NDST1: variants seen among roughly 807,000 people sequenced by gnomAD.
NDST1 encodes bifunctional heparan sulfate N-deacetylase/N-sulfotransferase 1.
A neutral mutation model predicts 92.8 loss-of-function variants in NDST1; 35 were observed. The ratio of observed to expected loss-of-function variants is 0.38; its 90% CI spans 0.29 to 0.50. The LOEUF (loss-of-function observed/expected upper bound fraction) is 0.50. Ranked by LOEUF, NDST1 falls within the 20% of genes least tolerant of loss-of-function variation. The probability of loss-of-function intolerance (pLI) is 0.94; values close to 1 mark genes in which losing one functional copy is unlikely to be tolerated. For missense variants in NDST1, 822 were observed against 1,182.7 expected, an observed-to-expected ratio of 0.69 and a Z score of 4.47; for synonymous variants, 493 against 500.3, an observed-to-expected ratio of 0.99 and a Z score of 0.19.
At chr5:150,505,635 T>A (rs945415479), upstream of NDST1, among the ~76,000 whole-genome samples, 17 of 152,158 alleles carry the variant, frequency 1.1e-4, no homozygotes, top group Admixed American at 1.1e-3. Flanking sequence ...AGGTTATCGA[T>A]GGCAGGAAGC....
Position 150,548,277 on chromosome 5 carries a change from C to T in NDST1, c.2205C>T (p.Thr735=), listed in dbSNP as rs759703382. The change falls in exon 12 of 15, where the codon ACC becomes ACT. Residue 735 remains threonine (T), a synonymous_variant. Coordinates refer to ENST00000261797, the MANE Select transcript of NDST1 (RefSeq NM_001543.5). Reference sequence around the variant, plus strand: ...AGTACACCTTCCATGAGGTGATTACCGCCGGCTCTGACGCATCCTCGAAGC... The same window carrying T: ...AGTACACCTTCCATGAGGTGATTACTGCCGGCTCTGACGCATCCTCGAAGC... ...ALKYTFHEVI[T]AGSDASSKLR... is the part of the protein sequence containing the mutation. 8.7e-6 allele frequency: 14 copies of T among 1,614,066 alleles called. No homozygotes were observed. The highest frequency in any genetic ancestry group is 4.4e-5 in the South Asian group (4 of 91,090).
At chr5:150,499,244 T>C (rs1406140367) in intron 1 of NDST1, among the ~76,000 whole-genome samples, 1 of 152,212 alleles carries the variant, frequency 6.6e-6, no homozygotes, top group Admixed American at 6.5e-5. Flanking sequence ...ACATAAAAAC[T>C]CAGACTTCTG....
At chr5:150,522,604 GTTTGTGGTC>G (rs1754290385) in intron 2 of NDST1, among the ~76,000 whole-genome samples, 1 of 152,194 alleles carries the variant, frequency 6.6e-6, no homozygotes, top group Non-Finnish European at 1.5e-5. Context: ...CACTCACAGT[GTTTGTGGTC>G]CTGTGCTAGC....
At chr5:150,520,825 G>T in intron 1 of NDST1, 43 bp from the exon 2 acceptor site, 1 of 409,364 alleles carries the variant, frequency 2.4e-6, no homozygotes, top group South Asian at 1.2e-4. Flanking sequence ...GCTGAACCCT[G>T]AAGCCCGCAC....
rs190718492 is a variant in NDST1, at chr5:150,545,237, C to T, written c.1971-75C>T. 253 of 1,545,952 alleles carry T rather than the reference C, an allele frequency of 1.6e-4. No homozygotes were observed. The East Asian group carries it at 3.6e-3, about 22-fold the overall frequency. On this transcript the variant is annotated intron_variant, in intron 10 of 14. Transcript: ENST00000261797. ...CTGAGGACATTCTACCCCAGTGCCT[C>T]GCCCTTGTGCTGCATTCCCTTAGCC...
chr5:150,549,364 A>G (rs1755625897), intron 12 of NDST1, among the ~76,000 whole-genome samples: 1 of 152,144 alleles, frequency 6.6e-6, no homozygotes, highest in Non-Finnish European at 1.5e-5. Context: ...TTTGAGCAGG[A>G]GAGTGACATG....
At chr5:150,530,557 A>AT (rs71589713) in intron 3 of NDST1, among the ~76,000 whole-genome samples, 7,276 of 126,614 alleles carry the variant, frequency 0.057, 260 homozygotes, top group African/African-American at 0.099. Context: ...CGTATTTTAA[A>AT]TTTTTTTTTT....
rs751113405 is a variant in NDST1, at chr5:150,555,328, C to T, written c.*1996C>T. 6.5e-6 allele frequency: 1 copy of T among 152,810 alleles called. No individual in the cohort carries two copies. Among genetic ancestry groups the T allele is most frequent in the East Asian group, 1.9e-4 (1 of 5,200 alleles). 9.5% of individuals were successfully genotyped at this position (152,810 alleles called of 1,614,324 possible). On this transcript the variant is annotated 3_prime_UTR_variant, in exon 15 of 15. Transcript: ENST00000261797. The stretch of plus-strand genomic sequence containing the variant: ...CCTGTCGTGTTCTCCCTCGAGGGGT[C>T]CTTCCCCAGCCTGTGGGGGCCTGGG...
intron 12 of NDST1, among the ~76,000 whole-genome samples, chr5:150,548,881 C>T (rs1455581519): frequency 6.6e-6 from 1 of 152,154 alleles, no homozygotes; most frequent in Non-Finnish European, 1.5e-5. Flanking sequence ...GAGAACTCCC[C>T]AAGCCTGTGT....
chr5:150,550,221 T>C (rs1254893812), intron 13 of NDST1, among the ~76,000 whole-genome samples: 1 of 151,790 alleles, frequency 6.6e-6, no homozygotes, highest in East Asian at 1.9e-4. Flanking sequence ...CCACCTCAGC[T>C]TCCCGAGTAG....
intron 10 of NDST1, among the ~76,000 whole-genome samples, chr5:150,543,560 CTTTT>C (rs1755342602): frequency 6.6e-6 from 1 of 152,122 alleles, no homozygotes; most frequent in African/African-American, 2.4e-5. Flanking sequence ...CTCTATTTGC[CTTTT>C]TTCTTTCTTT....
In NDST1 at chr5:150,541,299, C is replaced by A. The variant is rs530626848; in HGVS notation, c.1750-271C>A. Among the ~76,000 whole-genome samples the A allele has an allele frequency of 7.2e-5, 11 of 152,288 alleles. No individual in the cohort carries two copies. The South Asian group carries it at 2.1e-3, about 29-fold the overall frequency. On this transcript the variant is annotated intron_variant, in intron 8 of 14. Transcript: ENST00000261797. ...GCGTTTCTTGACCCCCTGGTTCAGA[C>A]GCAGCTTGTCCAGTTAAATTCAACA...
chr5:150,528,394 C>A (rs1316293066), intron 3 of NDST1, 96 bp downstream of exon 3: 1 of 1,379,942 alleles, frequency 7.2e-7, no homozygotes, highest in Non-Finnish European at 9.8e-7. Flanking sequence ...TCTGCATCTC[C>A]CCTATGCTGG....
chr5:150,545,321 G>A lies in NDST1; in HGVS notation c.1980G>A (p.Glu660=), dbSNP rs1377810322. The change falls in exon 11 of 15, where the codon GAG becomes GAA. Residue 660 remains glutamate, a synonymous_variant. Transcript: ENST00000261797. ...TCTGGGCTTCCTGCAGGTACATGGA[G>A]TTCTTCCCCATCCCTTCCAACACCA... ...NYHKGIDWYM[E]FFPIPSNTTS... is the part of the protein sequence containing the mutation. 1 of 1,614,104 alleles carries A rather than the reference G, an allele frequency of 6.2e-7. No individual in the cohort carries two copies. Among genetic ancestry groups the A allele is most frequent in the African/African-American group, 1.3e-5 (1 of 74,938 alleles).
chr5:150,511,248 G>T (rs1262148158), intron 1 of NDST1, among the ~76,000 whole-genome samples: 1 of 152,198 alleles, frequency 6.6e-6, no homozygotes, highest in Non-Finnish European at 1.5e-5. Flanking sequence ...ATTCACAGAG[G>T]GGAAGGTAAT....
At chr5:150,500,041 C>A (rs1753163464) in intron 1 of NDST1, among the ~76,000 whole-genome samples, 1 of 152,204 alleles carries the variant, frequency 6.6e-6, no homozygotes, top group Non-Finnish European at 1.5e-5. Flanking sequence ...CCGACAGCTC[C>A]CTTGTCCAAC....
At position 150,528,270 on chromosome 5, in the gene NDST1, G is replaced by A. The variant is rs1325372759; in HGVS notation, c.980G>A (p.Gly327Asp). Residue 327 changes from glycine (G) to aspartate (D), a missense_variant, in exon 3 of 15, where the codon GGC becomes GAC. Coordinates refer to ENST00000261797, the MANE Select transcript of NDST1 (RefSeq NM_001543.5). ...GATGACATCTTCGTGGGCAAGGAGG[G>A]CACACGCATGAAGGTGGAGGACGTG... ...DIDDIFVGKEGTRMKVEDVKA... is the reference protein window; with the variant it reads ...DIDDIFVGKEDTRMKVEDVKA... 2 of 1,604,964 alleles carry A rather than the reference G, an allele frequency of 1.2e-6. No individual in the cohort carries two copies. Among genetic ancestry groups the A allele is most frequent in the Admixed American group, 3.3e-5 (2 of 59,792 alleles).
chr5:150,532,205 C>T (rs565656087), intron 3 of NDST1, among the ~76,000 whole-genome samples: 1 of 152,302 alleles, frequency 6.6e-6, no homozygotes, highest in South Asian at 2.1e-4. Context: ...CTGCTGGGCT[C>T]AAGCAATCCT....
intron 4 of NDST1, among the ~76,000 whole-genome samples, chr5:150,533,447 A>C (rs553668072): frequency 2.0e-5 from 3 of 152,350 alleles, no homozygotes; most frequent in African/African-American, 7.2e-5. Flanking sequence ...TTGGATGACC[A>C]GTGTCATGGG....
Sources: allele counts gnomAD v4.1 joint callset (sites outside exome capture counted in the v4.1 genomes callset), GRCh38; gene constraint gnomAD v4.1.1; transcripts MANE v1.5; gene names NCBI Gene and HGNC (gene_info 2026-07-23, HGNC 2026-07-21).